Variants in MAN1A1 observed in about 807,000 individuals in gnomAD.
The protein encoded by MAN1A1 is mannosyl-oligosaccharide 1,2-alpha-mannosidase IA.
In MAN1A1, 29 loss-of-function variants were observed where a neutral mutation model predicts 70.8. The observed-to-expected ratio is 0.41, with a 90% CI of 0.31 to 0.56. The LOEUF is 0.56. MAN1A1 is among the 20% of genes least tolerant of loss of function. The pLI, the probability that MAN1A1 is intolerant of heterozygous loss-of-function variation, is 0.29. For synonymous variants in MAN1A1, 349 were observed against 330.1 expected (o/e 1.06, Z -0.62); for missense variants, 747 against 841.3 (o/e 0.89, Z 1.39).
At chr6:119,301,764 T>C (rs1467068401) in intron 4 of MAN1A1, among the ~76,000 whole-genome samples, 1 of 152,224 alleles carries the variant, frequency 6.6e-6, no homozygotes, top group Non-Finnish European at 1.5e-5. Context: ...TCTCAATAAA[T>C]ACTAACTTCT....
chr6:119,195,019 G>T (rs917674743), intron 8 of MAN1A1, among the ~76,000 whole-genome samples: 1 of 151,944 alleles, frequency 6.6e-6, no homozygotes, highest in African/African-American at 2.4e-5. Flanking sequence ...TTTTAGTAGA[G>T]ACGGGGTTTC....
intron 11 of MAN1A1, 102 bp downstream of exon 11, chr6:119,188,303 A>C: frequency 9.0e-7 from 1 of 1,110,618 alleles, no homozygotes. Flanking sequence ...TGGTCGAAGC[A>C]TTAAAAATTA....
intron 6 of MAN1A1, among the ~76,000 whole-genome samples, chr6:119,225,425 G>GAGGAGA (rs111981958): frequency 3.6e-4 from 54 of 151,060 alleles, no homozygotes; most frequent in Non-Finnish European, 6.1e-4. Flanking sequence ...GAAAGAGAAG[G>GAGGAGA]AGGAGGAGAA....
intron 6 of MAN1A1, among the ~76,000 whole-genome samples, chr6:119,226,966 C>T (rs1417119134): frequency 2.6e-5 from 4 of 152,092 alleles, no homozygotes; most frequent in African/African-American, 4.8e-5. Flanking sequence ...CCACCATGCC[C>T]GGCCTGAACG....
At chr6:119,231,178 A>C (rs1308182465) in intron 6 of MAN1A1, among the ~76,000 whole-genome samples, 1 of 152,184 alleles carries the variant, frequency 6.6e-6, no homozygotes. Flanking sequence ...TATGAAAAGC[A>C]GAGTGCTAAT....
chr6:119,307,448 A>G (rs1383656884), intron 2 of MAN1A1, among the ~76,000 whole-genome samples: 1 of 152,192 alleles, frequency 6.6e-6, no homozygotes, highest in Non-Finnish European at 1.5e-5. Context: ...TATCCCTTTA[A>G]ACCACTTTGA....
chr6:119,226,896 C>G (rs543858709), intron 6 of MAN1A1, among the ~76,000 whole-genome samples: 44 of 152,222 alleles, frequency 2.9e-4, no homozygotes, highest in African/African-American at 1.0e-3. Context: ...GTCTTGAACT[C>G]CTGGCCTCAA....
At chr6:119,307,482 G>A (rs1398965609) in intron 2 of MAN1A1, among the ~76,000 whole-genome samples, 1 of 152,118 alleles carries the variant, frequency 6.6e-6, no homozygotes, top group Non-Finnish European at 1.5e-5. Context: ...AGACTATATG[G>A]AGAAGTATTT....
chr6:119,180,532 G>A, intron 11 of MAN1A1, 105 bp from the exon 12 acceptor site: 2 of 519,532 alleles, frequency 3.8e-6, no homozygotes, highest in Non-Finnish European at 6.8e-6. Context: ...TTTTTTTTTT[G>A]AGACAGGGCC....
chr6:119,223,970 T>A (rs1232370138), intron 6 of MAN1A1, among the ~76,000 whole-genome samples: 3 of 152,132 alleles, frequency 2.0e-5, no homozygotes, highest in Non-Finnish European at 4.4e-5. Flanking sequence ...AGAATTTGAG[T>A]TAAAGGCTTT....
chr6:119,197,370 C>T (rs563775907), intron 8 of MAN1A1, among the ~76,000 whole-genome samples: 1 of 151,712 alleles, frequency 6.6e-6, no homozygotes, highest in African/African-American at 2.4e-5. Context: ...TATGTATTCA[C>T]AAAATTCAAG....
intron 2 of MAN1A1, among the ~76,000 whole-genome samples, chr6:119,312,335 A>C (rs1010051553): frequency 6.6e-6 from 1 of 152,210 alleles, no homozygotes; most frequent in Non-Finnish European, 1.5e-5. Context: ...TAACTTCTAG[A>C]GCTTTCAGAT....
chr6:119,188,540 AC>A lies in MAN1A1; in HGVS notation c.1583del (p.Gly528ValfsTer31). 3.7e-6 allele frequency: 6 copies of A among 1,613,762 alleles called. No individual in the cohort carries two copies. Among genetic ancestry groups the A allele is most frequent in the Non-Finnish European group, 5.1e-6 (6 of 1,179,866 alleles). The part of the protein sequence containing the change: ...KLGPEAFRFD[G>X]GVEAIATRQN... Reference sequence around the variant, plus strand: ...GTCTTGTAGCGATGGCTTCAACACCACCATCAAATCTGAAAGCTTCTGGTCC... The same window carrying A: ...GTCTTGTAGCGATGGCTTCAACACCACATCAAATCTGAAAGCTTCTGGTCC... On this transcript the variant is annotated frameshift_variant, in exon 11 of 13. Transcript: ENST00000368468. LOFTEE classifies it high-confidence loss of function.
intron 2 of MAN1A1, among the ~76,000 whole-genome samples, chr6:119,346,098 T>G (rs574111391): frequency 6.6e-6 from 1 of 152,292 alleles, no homozygotes; most frequent in South Asian, 2.1e-4. Flanking sequence ...AGAGCCAGAC[T>G]CTGTCTCCAA....
intron 5 of MAN1A1, among the ~76,000 whole-genome samples, chr6:119,254,006 G>A (rs1042107755): frequency 2.6e-5 from 4 of 152,110 alleles, no homozygotes; most frequent in African/African-American, 9.7e-5. Context: ...ATCTCCTCCT[G>A]AGCTCTGATG....
intron 6 of MAN1A1, among the ~76,000 whole-genome samples, chr6:119,222,208 A>G (rs563106899): frequency 3.9e-5 from 6 of 152,158 alleles, no homozygotes; most frequent in African/African-American, 1.4e-4. Flanking sequence ...GATAAATATT[A>G]TATTTTGGCT....
intron 2 of MAN1A1, among the ~76,000 whole-genome samples, chr6:119,325,221 G>C (rs1410603956): frequency 6.6e-6 from 1 of 152,164 alleles, no homozygotes; most frequent in Non-Finnish European, 1.5e-5. Context: ...TAAGTAACTT[G>C]CCCAAGTTCA....
intron 2 of MAN1A1, among the ~76,000 whole-genome samples, chr6:119,311,391 C>A (rs1414550379): frequency 6.6e-6 from 1 of 152,062 alleles, no homozygotes; most frequent in Non-Finnish European, 1.5e-5. Context: ...TATTTGGTAT[C>A]CAAAAGATGG....
At chr6:119,295,010 CA>C (rs1453487183) in intron 4 of MAN1A1, among the ~76,000 whole-genome samples, 2 of 152,014 alleles carry the variant, frequency 1.3e-5, no homozygotes, top group Non-Finnish European at 2.9e-5. Flanking sequence ...GATAAAGTGA[CA>C]AAGACTGCTA....
Sources: allele counts gnomAD v4.1 joint callset (sites outside exome capture counted in the v4.1 genomes callset), GRCh38; gene constraint gnomAD v4.1.1; transcripts MANE v1.5; gene names NCBI Gene and HGNC (gene_info 2026-07-23, HGNC 2026-07-21).